The following EFL1 variants were observed in gnomAD, a reference collection of about 807,000 sequenced individuals.
EFL1 encodes elongation factor-like GTPase 1.
In EFL1, 76 loss-of-function variants were observed where a neutral mutation model predicts 126.7. That is an observed-to-expected ratio of 0.60 (90% confidence interval 0.50 to 0.73). The LOEUF is 0.73. Ranked by LOEUF, EFL1 falls within the 30% of genes least tolerant of loss-of-function variation. The probability of loss-of-function intolerance (pLI) is 0.00; values close to 1 mark genes in which losing one functional copy is unlikely to be tolerated. For synonymous variants in EFL1, 410 were observed against 448.4 expected (o/e 0.91, Z 1.08); for missense variants, 1,128 against 1,343.2 (o/e 0.84, Z 2.50).
chr15:82,202,638 T>G (rs2074481797), intron 15 of EFL1, among the ~76,000 whole-genome samples: 1 of 152,148 alleles, frequency 6.6e-6, no homozygotes, highest in Non-Finnish European at 1.5e-5. Context: ...GAAGAGAAGA[T>G]CAGAGAGGCC....
At chr15:82,180,383 A>C (rs1595964425) in intron 15 of EFL1, among the ~76,000 whole-genome samples, 1 of 128,716 alleles carries the variant, frequency 7.8e-6, no homozygotes. Flanking sequence ...CAAAAAAAAA[A>C]CAAACAAAAA....
At chr15:82,203,304 T>C (rs56394250) in intron 15 of EFL1, among the ~76,000 whole-genome samples, 23,275 of 152,240 alleles carry the variant, frequency 0.15, 3,222 homozygotes, top group African/African-American at 0.37. Context: ...TATTTCTCTG[T>C]GCATTTATTT....
At chr15:82,153,281 T>C (rs1567042570) in intron 17 of EFL1, among the ~76,000 whole-genome samples, 1 of 152,198 alleles carries the variant, frequency 6.6e-6, no homozygotes, top group African/African-American at 2.4e-5. Flanking sequence ...TCTTTTTGTA[T>C]ATTCACAGGA....
intron 19 of EFL1, among the ~76,000 whole-genome samples, chr15:82,131,270 A>G (rs1279883134): frequency 6.6e-6 from 1 of 152,180 alleles, no homozygotes; most frequent in Non-Finnish European, 1.5e-5. Flanking sequence ...CAACACATGT[A>G]ACTACACTCT....
Position 82,151,447 on chromosome 15 carries a change from T to G in EFL1, c.2989+18A>C, listed in dbSNP as rs201179657. The G allele has an allele frequency of 5.7e-6, 9 of 1,583,436 alleles. No homozygotes were observed. Among genetic ancestry groups the G allele is most frequent in the Admixed American group, 1.8e-5 (1 of 54,956 alleles). ...TTATTCAGGGCATTTCTCACTATCT[T>G]TACCTTTTCTTCCTTACCGAGAACA... On this transcript the variant is annotated intron_variant, in intron 18 of 19. Transcript: ENST00000268206.
At chr15:82,170,899 A>G (rs898254505) in intron 15 of EFL1, among the ~76,000 whole-genome samples, 1 of 152,190 alleles carries the variant, frequency 6.6e-6, no homozygotes, top group Non-Finnish European at 1.5e-5. Context: ...TTCCAATTCA[A>G]ATGACTTAAA....
intron 19 of EFL1, among the ~76,000 whole-genome samples, chr15:82,132,272 A>G (rs1325985402): frequency 1.3e-5 from 2 of 152,216 alleles, no homozygotes; most frequent in African/African-American, 2.4e-5. Flanking sequence ...CCAGATCTAG[A>G]GAAGAACATG....
chr15:82,238,216 CTA>C, intron 7 of EFL1, 89 bp downstream of exon 7: 1 of 1,378,662 alleles, frequency 7.3e-7, no homozygotes. Flanking sequence ...ATAGGTGAAT[CTA>C]TAATTATCTC....
chr15:82,211,592 C>CACACACACACACACACA, intron 15 of EFL1, among the ~76,000 whole-genome samples: 1 of 60,132 alleles, frequency 1.7e-5, no homozygotes, highest in East Asian at 3.1e-4. Context: ...TAGACACATA[C>CACACACACACACACACA]TAGACACACA....
chr15:82,162,208 T>C (rs2074030513), intron 16 of EFL1, among the ~76,000 whole-genome samples: 2 of 151,950 alleles, frequency 1.3e-5, no homozygotes, highest in African/African-American at 4.8e-5. Flanking sequence ...GCCCAGGAGG[T>C]CAAGGCTGCA....
At chr15:82,257,529 TAGTCA>T (rs1347831799) in intron 3 of EFL1, among the ~76,000 whole-genome samples, 1 of 152,200 alleles carries the variant, frequency 6.6e-6, no homozygotes, top group African/African-American at 2.4e-5. Context: ...AAAAGTTTCC[TAGTCA>T]AGAGAATCAA....
intron 12 of EFL1, among the ~76,000 whole-genome samples, chr15:82,223,924 G>A (rs868724755): frequency 6.6e-6 from 1 of 151,976 alleles, no homozygotes; most frequent in African/African-American, 2.4e-5. Flanking sequence ...CTTATCCCCA[G>A]GACAAAAATT....
At chr15:82,250,815 C>T (rs1159242961) in intron 4 of EFL1, among the ~76,000 whole-genome samples, 1 of 152,084 alleles carries the variant, frequency 6.6e-6, no homozygotes, top group Non-Finnish European at 1.5e-5. Context: ...CCTGTTTTTC[C>T]GTTTTCATGA....
intron 18 of EFL1, among the ~76,000 whole-genome samples, chr15:82,149,184 T>G (rs956778822): frequency 2.9e-4 from 44 of 152,180 alleles, no homozygotes; most frequent in African/African-American, 1.1e-3. Flanking sequence ...TTCTCCTGTT[T>G]ACTGTTGTAA....
chr15:82,224,013 A>G (rs1373980225), intron 12 of EFL1, among the ~76,000 whole-genome samples: 2 of 152,236 alleles, frequency 1.3e-5, no homozygotes, highest in African/African-American at 4.8e-5. Context: ...GGACAAACAG[A>G]ATTTTATCAG....
chr15:82,158,006 T>C (rs1214413614), intron 16 of EFL1, 146 bp from the exon 17 acceptor site: 1 of 923,986 alleles, frequency 1.1e-6, no homozygotes, highest in Non-Finnish European at 1.5e-6. Context: ...TGTAGTGATG[T>C]GAAGAAAACT....
chr15:82,245,030 T>C (rs1479906819), intron 4 of EFL1, among the ~76,000 whole-genome samples: 6 of 152,194 alleles, frequency 3.9e-5, no homozygotes, highest in African/African-American at 9.7e-5. Context: ...GAACCTGAGT[T>C]ATCTGAAGAC....
intron 19 of EFL1, among the ~76,000 whole-genome samples, chr15:82,132,915 G>C (rs2073673847): frequency 6.6e-6 from 1 of 152,088 alleles, no homozygotes; most frequent in Non-Finnish European, 1.5e-5. Flanking sequence ...GCTCATTCCA[G>C]ATCATTCACC....
chr15:82,140,777 T>C (rs1028133291), intron 18 of EFL1, among the ~76,000 whole-genome samples: 1 of 152,186 alleles, frequency 6.6e-6, no homozygotes, highest in Non-Finnish European at 1.5e-5. Flanking sequence ...TCCCCCGTCA[T>C]TCATACCAGA....
Sources: allele counts gnomAD v4.1 joint callset (sites outside exome capture counted in the v4.1 genomes callset), GRCh38; gene constraint gnomAD v4.1.1; transcripts MANE v1.5; gene names NCBI Gene and HGNC (gene_info 2026-07-23, HGNC 2026-07-21).